ARHGAP42: variants seen among roughly 807,000 people sequenced by gnomAD.
ARHGAP42 encodes Rho GTPase activating protein 42, also known as rho GTPase-activating protein 42.
A neutral mutation model predicts 125.0 loss-of-function variants in ARHGAP42; 63 were observed. The observed-to-expected ratio is 0.50, with a 90% CI of 0.41 to 0.62. The LOEUF (loss-of-function observed/expected upper bound fraction) is 0.62, where lower values mean the gene tolerates loss of function less well. ARHGAP42 is among the 20% of genes least tolerant of loss of function. ARHGAP42 has a pLI of 0.00. For missense variants in ARHGAP42, 766 were observed against 1,024.2 expected (o/e 0.75, Z 3.44); for synonymous variants, 339 against 351.0 (o/e 0.97, Z 0.38).
chr11:100,901,321 G>T (rs995236786), intron 4 of ARHGAP42, among the ~76,000 whole-genome samples: 3 of 152,192 alleles, frequency 2.0e-5, no homozygotes, highest in African/African-American at 7.2e-5. Flanking sequence ...TGAGGTGACT[G>T]TCAGCCCCTC....
chr11:100,851,717 C>T (rs1012647562), intron 3 of ARHGAP42, among the ~76,000 whole-genome samples: 2 of 152,322 alleles, frequency 1.3e-5, no homozygotes, highest in African/African-American at 4.8e-5. Flanking sequence ...ATGACAAAAT[C>T]GCCTAACGAT....
At chr11:100,799,942 G>T (rs998035687) in intron 3 of ARHGAP42, among the ~76,000 whole-genome samples, 13 of 152,120 alleles carry the variant, frequency 8.5e-5, no homozygotes, top group African/African-American at 3.1e-4. Context: ...TGAAGGAGTG[G>T]TTATTTAATG....
At chr11:100,731,740 C>G (rs571005500) in intron 1 of ARHGAP42, among the ~76,000 whole-genome samples, 3 of 152,134 alleles carry the variant, frequency 2.0e-5, no homozygotes, top group Admixed American at 2.0e-4. Context: ...TTAGTGTGAC[C>G]ATCTGCCCAC....
intron 10 of ARHGAP42, among the ~76,000 whole-genome samples, chr11:100,946,618 T>C (rs1160884947): frequency 6.6e-6 from 1 of 151,892 alleles, no homozygotes; most frequent in Non-Finnish European, 1.5e-5. Flanking sequence ...GGGAAAGAGA[T>C]GGGGAAATGG....
At chr11:100,773,202 C>A (rs374333057) in intron 2 of ARHGAP42, among the ~76,000 whole-genome samples, 3 of 150,878 alleles carry the variant, frequency 2.0e-5, no homozygotes, top group African/African-American at 7.5e-5. Flanking sequence ...CTTTTTCAAC[C>A]CTTTTAGCCT....
chr11:100,911,945 G>A (rs527501068), intron 4 of ARHGAP42, among the ~76,000 whole-genome samples: 1 of 152,188 alleles, frequency 6.6e-6, no homozygotes, highest in East Asian at 1.9e-4. Flanking sequence ...TAATGTACAA[G>A]CATCTCAGTA....
At chr11:100,929,945 A>T (rs1476518994) in intron 6 of ARHGAP42, among the ~76,000 whole-genome samples, 2 of 152,164 alleles carry the variant, frequency 1.3e-5, no homozygotes, top group Non-Finnish European at 2.9e-5. Context: ...GGGTTATTTT[A>T]AAAGATTATT....
At chr11:100,960,793 T>G (rs1857934040) in intron 13 of ARHGAP42, 122 bp from the exon 14 acceptor site, 6 of 528,088 alleles carry the variant, frequency 1.1e-5, no homozygotes, top group Non-Finnish European at 2.0e-5. Context: ...TTTGCTAAAG[T>G]TAGACTGTGA....
In ARHGAP42 at chr11:100,988,858, T is replaced by C; in HGVS notation, c.*57T>C. ...TATCCATGGTAACGAATAAATGCTA[T>C]GATTTTATCTGACACAGATACACGG... On this transcript the variant is annotated 3_prime_UTR_variant, in exon 24 of 24. Transcript: ENST00000298815. 1 of 1,291,572 alleles carries C rather than the reference T, an allele frequency of 7.7e-7. No individual in the cohort carries two copies. Among genetic ancestry groups the C allele is most frequent in the Non-Finnish European group, 1.1e-6 (1 of 921,212 alleles). The allele number at this position is 1,291,572 out of a possible 1,614,324, so 80.0% of individuals were successfully genotyped here.
intron 4 of ARHGAP42, among the ~76,000 whole-genome samples, chr11:100,872,102 A>T (rs1417304809): frequency 6.6e-6 from 1 of 152,166 alleles, no homozygotes; most frequent in Admixed American, 6.6e-5. Flanking sequence ...TTCTCTATAG[A>T]CGGCTCCTAT....
intron 8 of ARHGAP42, among the ~76,000 whole-genome samples, chr11:100,937,910 A>G (rs946353711): frequency 3.9e-5 from 6 of 152,230 alleles, no homozygotes; most frequent in East Asian, 1.9e-4. Flanking sequence ...AGGCCCTTCA[A>G]TAATTTGGGG....
At chr11:100,789,840 A>G (rs895704905) in intron 2 of ARHGAP42, among the ~76,000 whole-genome samples, 10 of 152,128 alleles carry the variant, frequency 6.6e-5, no homozygotes, top group African/African-American at 2.2e-4. Flanking sequence ...TATGATCTGT[A>G]CTTTTTTTGG....
chr11:100,992,534 G>A lies in ARHGAP42; in HGVS notation c.*3733G>A, dbSNP rs752162993. 10 of 1,614,044 alleles carry A rather than the reference G, an allele frequency of 6.2e-6. No individual in the cohort carries two copies. The South Asian group carries it at 1.1e-4, about 18-fold the overall frequency. On this transcript the variant is annotated 3_prime_UTR_variant, in exon 24 of 24. Coordinates refer to ENST00000298815, the MANE Select transcript of ARHGAP42 (RefSeq NM_152432.4). ...TAGTTTTCTGAACATTCTGTGTCCT[G>A]CCTGTCTCCTGTTGATTCGCAGATG...
At chr11:100,820,888 C>T (rs544760790) in intron 3 of ARHGAP42, among the ~76,000 whole-genome samples, 5 of 151,380 alleles carry the variant, frequency 3.3e-5, no homozygotes, top group Admixed American at 2.0e-4. Context: ...ACAAATGCAA[C>T]GACCGGAAAT....
intron 3 of ARHGAP42, among the ~76,000 whole-genome samples, chr11:100,816,020 A>T (rs1864258405): frequency 6.6e-6 from 1 of 152,272 alleles, no homozygotes; most frequent in East Asian, 1.9e-4. Context: ...CATTGTATGT[A>T]TACATTATAT....
rs113532356 is a variant in ARHGAP42 at position 100,880,941 on chromosome 11, AT to A, written c.384+21326del. ...TGTCCTTAGCCCACTTTTTGATAGGATTTTTTTTTTCTTGCTAATTTGTTTG... is the reference window on the plus strand; with the variant it reads ...TGTCCTTAGCCCACTTTTTGATAGGATTTTTTTTTCTTGCTAATTTGTTTG... On this transcript the variant is annotated intron_variant, in intron 4 of 23. Transcript: ENST00000298815. Among the ~76,000 whole-genome samples the A allele has an allele frequency of 3.7e-5, 4 of 107,730 alleles. 1 individual carries two copies. Among genetic ancestry groups the A allele is most frequent in the East Asian group, 5.8e-4 (2 of 3,456 alleles). 70.7% of individuals were successfully genotyped at this position (107,730 alleles called of 152,430 possible).
In ARHGAP42 at chr11:100,802,424, C is replaced by CTTT. The variant is rs777832011; in HGVS notation, c.312+7274_312+7276dup. ...ATCCACCTCCATTTCTCCTTTCTTT[C>CTTT]TTTTTTTTTTTTTTTTTTGAGGCAG... On this transcript the variant is annotated intron_variant, in intron 3 of 23. Transcript: ENST00000298815. Among the ~76,000 whole-genome samples, 855 of 123,870 alleles carry CTTT rather than the reference C, an allele frequency of 6.9e-3. 16 individuals carry two copies. Among genetic ancestry groups the CTTT allele is most frequent in the African/African-American group, 0.025 (800 of 32,296 alleles). 81.3% of individuals were successfully genotyped at this position (123,870 alleles called of 152,430 possible).
intron 1 of ARHGAP42, among the ~76,000 whole-genome samples, chr11:100,728,873 G>A (rs1376123161): frequency 6.6e-6 from 1 of 151,570 alleles, no homozygotes; most frequent in Admixed American, 6.6e-5. Context: ...GCTTCAAGCG[G>A]TTCTTCTGTC....
intron 22 of ARHGAP42, among the ~76,000 whole-genome samples, chr11:100,985,659 GGGAC>G (rs1378582200): frequency 2.0e-5 from 3 of 152,148 alleles, no homozygotes; most frequent in Non-Finnish European, 4.4e-5. Flanking sequence ...ATGTTTCACT[GGGAC>G]GTTGTGCTGT....
Sources: gnomAD v4.1 joint callset for allele counts (sites outside exome capture counted in the v4.1 genomes callset) on GRCh38, gnomAD v4.1.1 for gene constraint, MANE v1.5 for transcripts, NCBI Gene and HGNC (gene_info 2026-07-23, HGNC 2026-07-21) for gene names.